NR3C1: variants seen among roughly 807,000 people sequenced by gnomAD.
NR3C1 encodes the protein glucocorticoid receptor.
In NR3C1, 14 loss-of-function variants were observed where a neutral mutation model predicts 74.0. That is an observed-to-expected ratio of 0.19 (90% CI 0.12 to 0.30). The LOEUF is 0.30. NR3C1 is among the 10% of genes least tolerant of loss of function. NR3C1 has a pLI of 1.00. For missense variants in NR3C1, 695 were observed against 909.8 expected (o/e 0.76, Z 3.04); for synonymous variants, 308 against 332.5 (o/e 0.93, Z 0.80).
At chr5:143,323,788 G>A (rs1255009811) in intron 2 of NR3C1, among the ~76,000 whole-genome samples, 1 of 152,132 alleles carries the variant, frequency 6.6e-6, no homozygotes, top group African/African-American at 2.4e-5. Context: ...ATGGGGGGCA[G>A]GGGGTAGGGG....
intron 1 of NR3C1, among the ~76,000 whole-genome samples, chr5:143,433,362 T>C (rs1437241156): frequency 5.5e-5 from 7 of 126,948 alleles, no homozygotes; most frequent in Non-Finnish European, 1.2e-4. Flanking sequence ...CCCAAGTGTC[T>C]CAGCTAGTAG....
At chr5:143,358,942 G>A (rs1023367483) in intron 2 of NR3C1, among the ~76,000 whole-genome samples, 2 of 151,712 alleles carry the variant, frequency 1.3e-5, no homozygotes, top group African/African-American at 2.4e-5. Flanking sequence ...CCTCCAATAC[G>A]TAAGACAGAT....
At chr5:143,370,237 A>G (rs1230266560) in intron 2 of NR3C1, among the ~76,000 whole-genome samples, 1 of 152,178 alleles carries the variant, frequency 6.6e-6, no homozygotes, top group Admixed American at 6.5e-5. Context: ...GGATGCTATC[A>G]ATGTATTATG....
chr5:143,350,584 A>T (rs1300870277), intron 2 of NR3C1, among the ~76,000 whole-genome samples: 1 of 152,178 alleles, frequency 6.6e-6, no homozygotes, highest in African/African-American at 2.4e-5. Flanking sequence ...AAAGATACCC[A>T]GTTAGATAGT....
intron 2 of NR3C1, among the ~76,000 whole-genome samples, chr5:143,388,089 C>A (rs893561552): frequency 2.6e-5 from 4 of 152,166 alleles, no homozygotes; most frequent in African/African-American, 9.7e-5. Flanking sequence ...AAGGAAAAAA[C>A]CCTCTAACCC....
At chr5:143,333,473 A>G (rs1826435099) in intron 2 of NR3C1, among the ~76,000 whole-genome samples, 1 of 152,208 alleles carries the variant, frequency 6.6e-6, no homozygotes, top group Non-Finnish European at 1.5e-5. Context: ...TCGAGTAACT[A>G]AAAACTGTAT....
At chr5:143,401,557 C>T (rs975673877) in intron 1 of NR3C1, among the ~76,000 whole-genome samples, 1 of 152,152 alleles carries the variant, frequency 6.6e-6, no homozygotes, top group Admixed American at 6.5e-5. Flanking sequence ...TTTATATAGG[C>T]CAACTAAAAT....
chr5:143,364,796 C>T (rs1832911503), intron 2 of NR3C1, among the ~76,000 whole-genome samples: 1 of 152,110 alleles, frequency 6.6e-6, no homozygotes, highest in South Asian at 2.1e-4. Flanking sequence ...GCCTCAACCT[C>T]CTGGGCTCAA....
rs927952790 is a variant in NR3C1, at chr5:143,403,304, G to A, written c.-107C>T. ...CTTGTGAACGCAGAAGGAGCAGGAG[G>A]GAAATATATTTTTTTTTTCTAAAAA... On this transcript the variant is annotated 5_prime_UTR_variant, in exon 1 of 9. Transcript: ENST00000394464. The A allele has an allele frequency of 2.8e-5, 28 of 984,390 alleles. No individual in the cohort carries two copies. In the East Asian group the frequency reaches 2.0e-3, roughly 72 times the overall value. The allele number at this position is 984,390 out of a possible 1,614,324, so 61.0% of individuals were successfully genotyped here. A position where few individuals can be genotyped will look rare whatever the true frequency, so the allele number is the denominator to read the frequency against.
In NR3C1 at chr5:143,282,559, G is replaced by A; in HGVS notation, c.2181+9C>T. On this transcript the variant is annotated intron_variant, in intron 8 of 8. Transcript: ENST00000394464. ...AACTCTTATATTTGGCTTTATGTTT[G>A]ACACTTACTTCATGCATAGAATCCA... The A allele has an allele frequency of 6.2e-7, 1 of 1,613,524 alleles. No homozygotes were observed. The highest frequency in any genetic ancestry group is 8.5e-7 in the Non-Finnish European group (1 of 1,179,668).
At position 143,281,741 on chromosome 5, in the gene NR3C1, A is replaced by T. The variant is rs61753498; in HGVS notation, c.*148T>A. The T allele has an allele frequency of 3.7e-6, 3 of 815,120 alleles. No homozygotes were observed. Among genetic ancestry groups the T allele is most frequent in the African/African-American group, 3.5e-5 (2 of 57,966 alleles). 50.5% of individuals were successfully genotyped at this position (815,120 alleles called of 1,614,324 possible). ...TGTTGCCAAGTCTTGGCCCTCTATA[A>T]ACCACATGTAGTGCGTATTTAAAAC... On this transcript the variant is annotated 3_prime_UTR_variant, in exon 9 of 9. Transcript: ENST00000394464.
At chr5:143,353,349 C>T (rs1342712521) in intron 2 of NR3C1, among the ~76,000 whole-genome samples, 1 of 152,144 alleles carries the variant, frequency 6.6e-6, no homozygotes, top group Non-Finnish European at 1.5e-5. Context: ...CTTTGACCTC[C>T]TCCTGCGAAT....
At chr5:143,295,736 A>T in intron 6 of NR3C1, 146 bp from the exon 7 acceptor site, 1 of 677,722 alleles carries the variant, frequency 1.5e-6, no homozygotes. Flanking sequence ...CTATAAAATC[A>T]GAATTTTGGA....
intron 1 of NR3C1, among the ~76,000 whole-genome samples, chr5:143,431,238 T>C (rs552809968): frequency 5.3e-5 from 8 of 152,274 alleles, no homozygotes; most frequent in Non-Finnish European, 1.0e-4. Flanking sequence ...CATTTTTCAA[T>C]AGGGCTTAGG....
At chr5:143,434,212 G>A (rs1010180655) in intron 1 of NR3C1, among the ~76,000 whole-genome samples, 3 of 152,040 alleles carry the variant, frequency 2.0e-5, no homozygotes, top group Admixed American at 6.5e-5. Context: ...ATTTTAAAAC[G>A]CGTTGTCTCG....
chr5:143,333,828 A>G (rs1826533335), intron 2 of NR3C1, among the ~76,000 whole-genome samples: 1 of 152,206 alleles, frequency 6.6e-6, no homozygotes, highest in South Asian at 2.1e-4. Context: ...ATTCAGATGG[A>G]AATGGGGAAA....
At chr5:143,335,214 C>T (rs898580375) in intron 2 of NR3C1, among the ~76,000 whole-genome samples, 8 of 152,178 alleles carry the variant, frequency 5.3e-5, no homozygotes, top group African/African-American at 1.7e-4. Context: ...TGTAGGCTGG[C>T]CCCATTTTTC....
At chr5:143,352,794 C>T (rs1830456371) in intron 2 of NR3C1, among the ~76,000 whole-genome samples, 2 of 152,104 alleles carry the variant, frequency 1.3e-5, no homozygotes, top group South Asian at 4.2e-4. Context: ...AATCTTTTTC[C>T]TTGTGGAGGG....
intron 7 of NR3C1, among the ~76,000 whole-genome samples, chr5:143,292,377 C>T (rs1373886490): frequency 2.6e-5 from 4 of 151,892 alleles, no homozygotes; most frequent in African/African-American, 9.7e-5. Flanking sequence ...GGGTCTGAAT[C>T]CCTGGGCTGT....
Sources: allele counts gnomAD v4.1 joint callset (sites outside exome capture counted in the v4.1 genomes callset), GRCh38; gene constraint gnomAD v4.1.1; transcripts MANE v1.5; gene names NCBI Gene and HGNC (gene_info 2026-07-23, HGNC 2026-07-21).